COP1: variants seen among roughly 807,000 people sequenced by gnomAD.
COP1 encodes the protein COP1 E3 ubiquitin ligase.
In COP1, 24 loss-of-function variants were observed where a neutral mutation model predicts 101.3. The ratio of observed to expected loss-of-function variants is 0.24; its 90% CI spans 0.17 to 0.33. The LOEUF (loss-of-function observed/expected upper bound fraction) is 0.33, where lower values mean the gene tolerates loss of function less well. COP1 is among the 10% of genes least tolerant of loss of function. The pLI is 1.00. For synonymous variants in COP1, 347 were observed against 341.9 expected, an observed-to-expected ratio of 1.01 and a Z score of -0.17; for missense variants, 663 against 906.2, an observed-to-expected ratio of 0.73 and a Z score of 3.45.
intron 18 of COP1, among the ~76,000 whole-genome samples, chr1:175,982,005 T>TA (rs772707650): frequency 6.6e-6 from 1 of 151,824 alleles, no homozygotes; most frequent in African/African-American, 2.4e-5. Flanking sequence ...TGGGGTGTGT[T>TA]AAAAAAAGAT....
chr1:176,121,971 T>C (rs929876429), intron 8 of COP1, among the ~76,000 whole-genome samples: 3 of 151,842 alleles, frequency 2.0e-5, no homozygotes, highest in South Asian at 2.1e-4. Context: ...AAACCCCGTC[T>C]CTACTAAAAA....
intron 15 of COP1, among the ~76,000 whole-genome samples, chr1:176,005,084 G>C (rs376121806): frequency 6.6e-6 from 1 of 152,036 alleles, no homozygotes; most frequent in Non-Finnish European, 1.5e-5. Context: ...GTCTTGGGAG[G>C]GTGTATGTGT....
chr1:176,176,577 A>AGGAGGC (rs1207477739), intron 2 of COP1, among the ~76,000 whole-genome samples: 8 of 152,242 alleles, frequency 5.3e-5, no homozygotes, highest in African/African-American at 1.9e-4. Context: ...CCAACACTTT[A>AGGAGGC]GGAGGCAGAG....
At chr1:176,071,216 C>T (rs1208790588) in intron 11 of COP1, among the ~76,000 whole-genome samples, 2 of 151,592 alleles carry the variant, frequency 1.3e-5, no homozygotes, top group Admixed American at 1.3e-4. Context: ...ATGTGTGGTA[C>T]CTCCCCCCTC....
intron 11 of COP1, among the ~76,000 whole-genome samples, chr1:176,074,818 TTTGTA>T (rs985895470): frequency 6.6e-5 from 10 of 152,146 alleles, no homozygotes; most frequent in African/African-American, 2.4e-4. Context: ...ATTATTACTC[TTTGTA>T]TAGTCACATA....
chr1:176,136,089 GGTAAT>G (rs1369524290), intron 7 of COP1, among the ~76,000 whole-genome samples: 8 of 151,762 alleles, frequency 5.3e-5, no homozygotes, highest in Non-Finnish European at 4.4e-5. Context: ...CCAGAATATT[GGTAAT>G]GTATTCTTAT....
chr1:176,165,248 C>T (rs1694913497), intron 3 of COP1, among the ~76,000 whole-genome samples: 1 of 151,972 alleles, frequency 6.6e-6, no homozygotes, highest in Admixed American at 6.6e-5. Flanking sequence ...TTAACAAGCA[C>T]ACTTCATATA....
intron 5 of COP1, among the ~76,000 whole-genome samples, chr1:176,162,134 G>A (rs143389697): frequency 2.0e-5 from 3 of 152,306 alleles, no homozygotes; most frequent in Non-Finnish European, 4.4e-5. Context: ...CCTATCTCAT[G>A]TACTTGTAGT....
intron 6 of COP1, among the ~76,000 whole-genome samples, chr1:176,143,146 A>AAGAGAG (rs759550104): frequency 1.4e-4 from 9 of 66,604 alleles, no homozygotes; most frequent in African/African-American, 3.8e-4. Flanking sequence ...GAGCGAGAGA[A>AAGAGAG]AGAGAGAGAG....
chr1:176,134,140 A>C (rs1294950710), intron 8 of COP1, among the ~76,000 whole-genome samples: 2 of 151,942 alleles, frequency 1.3e-5, no homozygotes, highest in African/African-American at 4.8e-5. Context: ...TAGCTTTCCT[A>C]AAGTGATAAG....
At chr1:176,178,224 A>G (rs1697226624) in intron 2 of COP1, among the ~76,000 whole-genome samples, 1 of 152,178 alleles carries the variant, frequency 6.6e-6, no homozygotes, top group Non-Finnish European at 1.5e-5. Context: ...GAAGAAATTT[A>G]CAGTCTGCTT....
At chr1:176,133,218 G>A (rs543559901) in intron 8 of COP1, among the ~76,000 whole-genome samples, 19 of 55,270 alleles carry the variant, frequency 3.4e-4, no homozygotes, top group Admixed American at 1.1e-3. Context: ...ACACACATAC[G>A]TATATACGTA....
In COP1 at chr1:175,947,254, G is replaced by C. The variant is rs766399079; in HGVS notation, c.2134-15C>G. On this transcript the variant is annotated splice_polypyrimidine_tract_variant and intron_variant, in intron 18 of 19. Transcript: ENST00000367669. ...ACATTGGACTCCTAGAAAAGAACAA[G>C]AGCTTTTAAAGTATAGAGAAGGATT... The C allele has an allele frequency of 1.3e-6, 2 of 1,595,234 alleles. No homozygotes were observed. Among genetic ancestry groups the C allele is most frequent in the South Asian group, 1.1e-5 (1 of 90,650 alleles).
At chr1:176,001,231 T>A (rs1476592143) in intron 15 of COP1, among the ~76,000 whole-genome samples, 1 of 152,100 alleles carries the variant, frequency 6.6e-6, no homozygotes, top group Non-Finnish European at 1.5e-5. Context: ...AGAATTAACA[T>A]CAGAATTGTC....
intron 5 of COP1, among the ~76,000 whole-genome samples, chr1:176,157,513 G>A (rs1229504705): frequency 6.6e-6 from 1 of 152,156 alleles, no homozygotes; most frequent in African/African-American, 2.4e-5. Flanking sequence ...CCAGCAGCCA[G>A]AGTAGAAAAA....
At chr1:176,128,824 T>C (rs1688457104) in intron 8 of COP1, among the ~76,000 whole-genome samples, 1 of 151,920 alleles carries the variant, frequency 6.6e-6, no homozygotes, top group Non-Finnish European at 1.5e-5. Flanking sequence ...CAATAATAAC[T>C]GCCAAAAAGT....
intron 11 of COP1, among the ~76,000 whole-genome samples, chr1:176,054,648 C>T (rs1049388285): frequency 9.9e-5 from 15 of 152,212 alleles, no homozygotes; most frequent in African/African-American, 3.4e-4. Context: ...TATACTTGTG[C>T]GGTAAGTCCC....
rs576634329 is a variant in COP1, at chr1:176,156,712, C to CATA, written c.762+6154_762+6156dup. Among the ~76,000 whole-genome samples, 257 of 152,046 alleles carry CATA rather than the reference C, an allele frequency of 1.7e-3. 1 individual carries two copies. Among genetic ancestry groups the CATA allele is most frequent in the African/African-American group, 5.9e-3 (246 of 41,470 alleles). ...TTTCCAACAATAAACATATCCATTT[C>CATA]ATAATAATAATAAAGGAGATGATTC... On this transcript the variant is annotated intron_variant, in intron 5 of 19. Transcript: ENST00000367669.
intron 9 of COP1, among the ~76,000 whole-genome samples, chr1:176,114,396 T>C (rs1685831840): frequency 1.3e-5 from 2 of 152,078 alleles, no homozygotes; most frequent in Admixed American, 1.3e-4. Context: ...AGTAACAAGG[T>C]AGTCATCCAA....
Sources: allele counts gnomAD v4.1 joint callset (sites outside exome capture counted in the v4.1 genomes callset), GRCh38; gene constraint gnomAD v4.1.1; transcripts MANE v1.5; gene names NCBI Gene and HGNC (gene_info 2026-07-23, HGNC 2026-07-21).